The following PTPRF variants were observed in gnomAD, a reference collection of about 807,000 sequenced individuals.
The protein encoded by PTPRF is receptor-type tyrosine-protein phosphatase F.
A neutral mutation model predicts 201.8 loss-of-function variants in PTPRF; 59 were observed. That is an observed-to-expected ratio of 0.29 (90% confidence interval 0.24 to 0.36). The LOEUF is 0.36. PTPRF is among the 10% of genes least tolerant of loss of function. The pLI is 1.00. For missense variants in PTPRF, 2,132 were observed against 2,690.5 expected (o/e 0.79, Z 4.59); for synonymous variants, 1,088 against 1,089.7 (o/e 1.00, Z 0.03).
chr1:43,581,366 T>TA (rs1359368279), intron 7 of PTPRF, among the ~76,000 whole-genome samples: 3 of 152,208 alleles, frequency 2.0e-5, no homozygotes, highest in African/African-American at 7.2e-5. Flanking sequence ...CACACACACA[T>TA]ACGACGTTCC....
Position 43,598,933 on chromosome 1 carries a change from T to G in PTPRF, c.2313+20T>G, listed in dbSNP as rs1336334198. 1.2e-6 allele frequency: 2 copies of G among 1,608,578 alleles called. No homozygotes were observed. Among genetic ancestry groups the G allele is most frequent in the Non-Finnish European group, 1.7e-6 (2 of 1,177,504 alleles). On this transcript the variant is annotated intron_variant, in intron 13 of 33. Transcript: ENST00000359947. Reference sequence around the variant, plus strand: ...GCCCAGGTGCAGCATTGGGTGGTGGTGGGGTGGCAGGGTGAGCACAGACCA... The same window carrying G: ...GCCCAGGTGCAGCATTGGGTGGTGGGGGGGTGGCAGGGTGAGCACAGACCA...
chr1:43,613,883 C>T (rs947504403), intron 23 of PTPRF, among the ~76,000 whole-genome samples, 168 bp downstream of exon 23: 5 of 152,150 alleles, frequency 3.3e-5, no homozygotes, highest in African/African-American at 4.8e-5. Context: ...AACCGGGTGC[C>T]TCAGATGCTG....
chr1:43,606,328 T>C lies in PTPRF; in HGVS notation c.3572T>C (p.Leu1191Pro). Residue 1191 changes from leucine to proline, a missense_variant, in exon 20 of 34, where the codon CTG becomes CCG. Around this residue, in one of 6 missense-constraint regions of PTPRF, gnomAD observed 818 missense variants for 915.3 expected, o/e 0.89. Transcript: ENST00000359947. ...CTGAAGCCATATGTGGCTGCTCAAC[T>C]GGATGTGCTCCCGGAGACCTTTACC... ...ERLKPYVAAQ[L>P]DVLPETFTLG... The C allele has an allele frequency of 6.2e-7, 1 of 1,614,162 alleles. No homozygotes were observed. Among genetic ancestry groups the C allele is most frequent in the Non-Finnish European group, 8.5e-7 (1 of 1,180,022 alleles).
At position 43,580,854 on chromosome 1, in the gene PTPRF, A is replaced by G. The variant is rs547474145; in HGVS notation, c.679+1934A>G. Among the ~76,000 whole-genome samples, 146 of 152,400 alleles carry G rather than the reference A, an allele frequency of 9.6e-4. 2 individuals are homozygous for G. The Middle Eastern group carries it at 0.034, about 36-fold the overall frequency. ...GCACCAGGGAGAGGAGAGGCCCAGT[A>G]GAGCCACTGTAAACCCAAGCCAGCT... is the stretch of plus-strand genomic sequence containing the variant. On this transcript the variant is annotated intron_variant, in intron 7 of 33. Transcript: ENST00000359947.
At chr1:43,613,576 G>A in intron 22 of PTPRF, 42 bp from the exon 23 acceptor site, 2 of 1,515,934 alleles carry the variant, frequency 1.3e-6, no homozygotes, top group Non-Finnish European at 1.8e-6. Flanking sequence ...CACTGCTCAA[G>A]CCTCACACTA....
At chr1:43,524,986 A>C (rs1308535326), upstream of PTPRF, among the ~76,000 whole-genome samples, 3 of 152,212 alleles carry the variant, frequency 2.0e-5, no homozygotes, top group Non-Finnish European at 4.4e-5. Context: ...CTGTGGAGTC[A>C]TGTGGTTGCT....
intron 7 of PTPRF, among the ~76,000 whole-genome samples, chr1:43,581,743 C>G (rs916143107): frequency 6.6e-6 from 1 of 152,246 alleles, no homozygotes; most frequent in Non-Finnish European, 1.5e-5. Context: ...AGCCTGCTTT[C>G]TGGCCTGCAC....
intron 5 of PTPRF, among the ~76,000 whole-genome samples, chr1:43,562,637 C>T (rs1028502729): frequency 6.6e-6 from 1 of 151,820 alleles, no homozygotes; most frequent in Admixed American, 6.6e-5. Context: ...GTCTTGAACT[C>T]CTGACCTCAA....
rs1009197229 is a variant in PTPRF at position 43,553,361 on chromosome 1, C to T, written c.92-131C>T. 8.9e-6 allele frequency: 9 copies of T among 1,012,978 alleles called. No individual in the cohort carries two copies. Among genetic ancestry groups the T allele is most frequent in the Non-Finnish European group, 1.2e-5 (8 of 676,952 alleles). 62.7% of individuals were successfully genotyped at this position (1,012,978 alleles called of 1,614,324 possible). A position where few individuals can be genotyped will look rare whatever the true frequency, so the allele number is the denominator to read the frequency against. Reference sequence around the variant, plus strand: ...TGAACAGTGCCTGGCACATACTAAGCGCTACATAAAGGTGAGGTGTCCTTG... The same window carrying T: ...TGAACAGTGCCTGGCACATACTAAGTGCTACATAAAGGTGAGGTGTCCTTG... On this transcript the variant is annotated intron_variant, in intron 3 of 33. Coordinates refer to ENST00000359947, the MANE Select transcript of PTPRF (RefSeq NM_002840.5). This position sits in a 1 kb window ranked among gnomAD's most constrained non-coding sequence, Gnocchi z 4.1.
chr1:43,622,023 C>T lies in PTPRF; in HGVS notation c.*20C>T, dbSNP rs375151591. 1.4e-5 allele frequency: 22 copies of T among 1,611,810 alleles called. No individual in the cohort carries two copies. The highest frequency in any genetic ancestry group is 5.0e-5 in the Admixed American group (3 of 60,010). Reference sequence around the variant, plus strand: ...ACGTAACTACCGCTCCCCTCTCCTCCGCCACCCCCGCCGTGGGGCTCCGGA... The same window carrying T: ...ACGTAACTACCGCTCCCCTCTCCTCTGCCACCCCCGCCGTGGGGCTCCGGA... On this transcript the variant is annotated 3_prime_UTR_variant, in exon 34 of 34. Coordinates refer to ENST00000359947, the MANE Select transcript of PTPRF (RefSeq NM_002840.5).
intron 12 of PTPRF, 175 bp from the exon 13 acceptor site, chr1:43,598,545 G>A: frequency 1.6e-6 from 1 of 634,402 alleles, no homozygotes; most frequent in Non-Finnish European, 2.7e-6. Context: ...CTTACCCGTG[G>A]CGGGCAGAGG....
Position 43,605,637 on chromosome 1 carries a change from G to T in PTPRF, c.3483+15G>T. 6.2e-7 allele frequency: 1 copy of T among 1,612,076 alleles called. No individual in the cohort carries two copies. The highest frequency in any genetic ancestry group is 8.5e-7 in the Non-Finnish European group (1 of 1,178,380). On this transcript the variant is annotated intron_variant, in intron 19 of 33. Coordinates refer to ENST00000359947, the MANE Select transcript of PTPRF (RefSeq NM_002840.5). ...AGCTGGACGAGGTACCTGGGGAGGGGATGGGGACACTGACAGCCCCATTGC... is the reference window on the plus strand; with the variant it reads ...AGCTGGACGAGGTACCTGGGGAGGGTATGGGGACACTGACAGCCCCATTGC...
At chr1:43,565,080 A>G (rs1646066406) in intron 5 of PTPRF, among the ~76,000 whole-genome samples, 1 of 152,056 alleles carries the variant, frequency 6.6e-6, no homozygotes, top group Non-Finnish European at 1.5e-5. Context: ...GCCTTTACAA[A>G]GGCAGTTTTC....
chr1:43,601,797 G>A (rs966972086), intron 13 of PTPRF, among the ~76,000 whole-genome samples: 10 of 152,148 alleles, frequency 6.6e-5, no homozygotes, highest in Non-Finnish European at 1.3e-4. Context: ...TGTGTTCTTA[G>A]GGCCTTCTGT....
At chr1:43,564,737 T>TGTGCGG (rs1646042468) in intron 5 of PTPRF, among the ~76,000 whole-genome samples, 1 of 152,122 alleles carries the variant, frequency 6.6e-6, no homozygotes, top group South Asian at 2.1e-4. Flanking sequence ...TGTGTCTGTG[T>TGTGCGG]GTGCGGGTGC....
intron 14 of PTPRF, among the ~76,000 whole-genome samples, chr1:43,602,921 A>G (rs1315758203): frequency 2.6e-5 from 4 of 152,120 alleles, no homozygotes; most frequent in Non-Finnish European, 5.9e-5. Flanking sequence ...GGGGCAGCGG[A>G]GTCCTGACTG....
chr1:43,531,746 C>T, intron 1 of PTPRF, among the ~76,000 whole-genome samples: 1 of 152,082 alleles, frequency 6.6e-6, no homozygotes. Context: ...CCGGGTGCAA[C>T]GCCCTGGAGG....
At chr1:43,606,557 GTT>G in intron 20 of PTPRF, 99 bp downstream of exon 20, 2 of 1,254,414 alleles carry the variant, frequency 1.6e-6, no homozygotes, top group Non-Finnish European at 2.2e-6. Context: ...GTCTTTATCA[GTT>G]TGGGGGCTTC....
At chr1:43,563,169 C>G (rs1049282197) in intron 5 of PTPRF, among the ~76,000 whole-genome samples, 1 of 114,862 alleles carries the variant, frequency 8.7e-6, no homozygotes, top group African/African-American at 3.0e-5. Context: ...CCAAGCGAGA[C>G]TCCATCTCAA....
Sources: allele counts gnomAD v4.1 joint callset (sites outside exome capture counted in the v4.1 genomes callset), GRCh38; gene constraint gnomAD v4.1.1; regional missense constraint gnomAD v4.1.1; non-coding constraint Gnocchi (gnomAD v3.1); transcripts MANE v1.5; gene names NCBI Gene and HGNC (gene_info 2026-07-23, HGNC 2026-07-21).